Variants in CMKLR1 observed in about 807,000 individuals in gnomAD.
CMKLR1 encodes the protein chemerin-like receptor 1.
CMKLR1 carries 6 observed loss-of-function variants against 8.2 expected under a neutral mutation model. The ratio of observed to expected loss-of-function variants is 0.73; its 90% CI spans 0.40 to 1.44. The LOEUF (loss-of-function observed/expected upper bound fraction) is 1.44, where lower values mean the gene tolerates loss of function less well. Ranked by LOEUF, CMKLR1 falls within the 40% of genes most tolerant of loss-of-function variation. The probability of loss-of-function intolerance (pLI) is 0.02; values close to 1 mark genes in which losing one functional copy is unlikely to be tolerated. For missense variants in CMKLR1, 429 were observed against 478.0 expected (o/e 0.90, Z 0.96); for synonymous variants, 178 against 181.2 (o/e 0.98, Z 0.14).
chr12:108,309,021 G>A (rs1362268215), intron 2 of CMKLR1, among the ~76,000 whole-genome samples: 1 of 152,162 alleles, frequency 6.6e-6, no homozygotes, highest in Non-Finnish European at 1.5e-5. Flanking sequence ...TTGAATCCCA[G>A]CTCTGCTGTG....
intron 2 of CMKLR1, among the ~76,000 whole-genome samples, chr12:108,329,703 G>T (rs1269540709): frequency 6.6e-6 from 1 of 152,096 alleles, no homozygotes; most frequent in Non-Finnish European, 1.5e-5. Flanking sequence ...TGGCTAGATG[G>T]GCCTCCACTC....
At chr12:108,313,495 A>G (rs1399818) in intron 2 of CMKLR1, among the ~76,000 whole-genome samples, 112,311 of 152,066 alleles carry the variant, frequency 0.74, 42,117 homozygotes, top group East Asian at 0.97. Context: ...GTAATCTTGG[A>G]TTACTAAATC....
rs962279466 is a variant in CMKLR1 at position 108,302,034 on chromosome 12, G to A, written c.-73-8370C>T. ...AACCCAAAAAGGATTGCTATCTAGC[G>A]TACTCAAGGAGCCCCTTCCTGCAAA... is the stretch of plus-strand genomic sequence containing the variant. On this transcript the variant is annotated intron_variant, in intron 2 of 3. Transcript: ENST00000550402. Among the ~76,000 whole-genome samples, 7 of 151,982 alleles carry A rather than the reference G, an allele frequency of 4.6e-5. 1 individual carries two copies. Among genetic ancestry groups the A allele is most frequent in the South Asian group, 2.1e-4 (1 of 4,794 alleles).
intron 3 of CMKLR1, 111 bp from the exon 4 acceptor site, chr12:108,293,070 T>C: frequency 9.8e-7 from 1 of 1,024,120 alleles, no homozygotes. Context: ...AGTCCAGTTT[T>C]GTGATTTAAC....
At chr12:108,319,160 G>A (rs922549579) in intron 2 of CMKLR1, among the ~76,000 whole-genome samples, 2 of 152,156 alleles carry the variant, frequency 1.3e-5, no homozygotes, top group African/African-American at 4.8e-5. Flanking sequence ...CGTCTCTGCT[G>A]ATGCAGGTTT....
At chr12:108,328,265 C>T (rs2137339986) in intron 2 of CMKLR1, among the ~76,000 whole-genome samples, 1 of 152,342 alleles carries the variant, frequency 6.6e-6, no homozygotes, top group East Asian at 1.9e-4. Context: ...ATGACTTTGG[C>T]ATTGCCTACA....
At chr12:108,309,123 G>T (rs1319627987) in intron 2 of CMKLR1, among the ~76,000 whole-genome samples, 1 of 152,214 alleles carries the variant, frequency 6.6e-6, no homozygotes, top group Non-Finnish European at 1.5e-5. Context: ...CAGAGTTGTT[G>T]CAAGGATTGA....
At chr12:108,331,441 GAACCAACT>G (rs373908504) in intron 1 of CMKLR1, among the ~76,000 whole-genome samples, 68,051 of 151,652 alleles carry the variant, frequency 0.45, 15,719 homozygotes, top group Admixed American at 0.54. Flanking sequence ...ATACTCTGCT[GAACCAACT>G]GTCAATAGAT....
chr12:108,334,743 G>C (rs1349082699), intron 1 of CMKLR1, among the ~76,000 whole-genome samples: 1 of 152,186 alleles, frequency 6.6e-6, no homozygotes, highest in East Asian at 1.9e-4. Context: ...CTTTTGCTAT[G>C]AGCTGTGTGA....
intron 2 of CMKLR1, among the ~76,000 whole-genome samples, chr12:108,326,100 T>A (rs1566029231): frequency 2.0e-5 from 3 of 152,176 alleles, no homozygotes; most frequent in Non-Finnish European, 2.9e-5. Flanking sequence ...TCATTTTTTT[T>A]AAGATAACCC....
chr12:108,320,094 T>C (rs1303759856), intron 2 of CMKLR1, among the ~76,000 whole-genome samples: 2 of 151,706 alleles, frequency 1.3e-5, no homozygotes, highest in East Asian at 1.9e-4. Context: ...CTGGACACAG[T>C]GAAATTTGAA....
chr12:108,328,433 A>G (rs1892033365), intron 2 of CMKLR1, among the ~76,000 whole-genome samples: 1 of 152,188 alleles, frequency 6.6e-6, no homozygotes, highest in Non-Finnish European at 1.5e-5. Flanking sequence ...TTCAGTGAGG[A>G]AAGCCCTTTT....
chr12:108,309,789 C>A (rs941788335), intron 2 of CMKLR1, among the ~76,000 whole-genome samples: 1 of 152,174 alleles, frequency 6.6e-6, no homozygotes, highest in Non-Finnish European at 1.5e-5. Context: ...GGGTAATAAG[C>A]CAGTTGCAAT....
intron 2 of CMKLR1, among the ~76,000 whole-genome samples, chr12:108,304,203 A>G (rs941941035): frequency 2.6e-4 from 40 of 152,092 alleles, no homozygotes; most frequent in Non-Finnish European, 1.9e-4. Context: ...GGCCACAGCT[A>G]TACTCTCCAG....
chr12:108,337,042 C>T (rs1892242804), intron 1 of CMKLR1, among the ~76,000 whole-genome samples: 1 of 152,168 alleles, frequency 6.6e-6, no homozygotes, highest in South Asian at 2.1e-4. Flanking sequence ...TCAAGCCCAC[C>T]CCCAGAGTGA....
At chr12:108,335,852 C>T (rs1185261744) in intron 1 of CMKLR1, among the ~76,000 whole-genome samples, 1 of 152,224 alleles carries the variant, frequency 6.6e-6, no homozygotes, top group Non-Finnish European at 1.5e-5. Context: ...TACACTTCCC[C>T]ATAAGACTTT....
intron 2 of CMKLR1, among the ~76,000 whole-genome samples, chr12:108,306,985 G>A (rs1036693650): frequency 6.6e-6 from 1 of 152,106 alleles, no homozygotes; most frequent in African/African-American, 2.4e-5. Flanking sequence ...CAAGCCCTAA[G>A]TATCTTCCCA....
intron 2 of CMKLR1, among the ~76,000 whole-genome samples, chr12:108,321,952 T>C (rs750655151): frequency 1.3e-5 from 2 of 152,202 alleles, no homozygotes; most frequent in South Asian, 4.1e-4. Context: ...CTGACTGTCT[T>C]GGTGCTGTCC....
intron 2 of CMKLR1, among the ~76,000 whole-genome samples, 180 bp downstream of exon 2, chr12:108,329,815 G>A (rs114308458): frequency 1.3e-5 from 2 of 152,162 alleles, no homozygotes; most frequent in African/African-American, 4.8e-5. Flanking sequence ...GTGAACAGAG[G>A]CTCCTTTAAA....
Sources: gnomAD v4.1 joint callset for allele counts (sites outside exome capture counted in the v4.1 genomes callset) on GRCh38, gnomAD v4.1.1 for gene constraint, MANE v1.5 for transcripts, NCBI Gene and HGNC (gene_info 2026-07-23, HGNC 2026-07-21) for gene names.